Variants in TRPC5 observed in about 807,000 individuals in gnomAD.
TRPC5 encodes the protein transient receptor potential cation channel subfamily C member 5.
In TRPC5, 9 loss-of-function variants were observed where a neutral mutation model predicts 56.5. That is an observed-to-expected ratio of 0.16 (90% confidence interval 0.10 to 0.28). The LOEUF is 0.28. TRPC5 is among the 10% of genes least tolerant of loss of function. TRPC5 has a pLI of 1.00. For synonymous variants in TRPC5, 282 were observed against 278.5 expected (o/e 1.01, Z -0.13); for missense variants, 469 against 748.9 (o/e 0.63, Z 4.36).
chrX:111,929,151 C>T (rs960467325), intron 2 of TRPC5, among the ~76,000 whole-genome samples: 2 of 112,118 alleles, frequency 1.8e-5, no homozygotes, highest in Non-Finnish European at 3.8e-5. Flanking sequence ...AGGGCTCCAC[C>T]GATGCAGGGA....
At chrX:111,888,617 G>A (rs1453350061) in intron 3 of TRPC5, among the ~76,000 whole-genome samples, 3 of 101,962 alleles carry the variant, frequency 2.9e-5, no homozygotes, top group African/African-American at 3.6e-5. Context: ...TGGCTTGAAC[G>A]TGGGAGGTGG....
intron 7 of TRPC5, among the ~76,000 whole-genome samples, chrX:111,792,692 G>A (rs1185816794): frequency 9.0e-6 from 1 of 111,550 alleles, no homozygotes; most frequent in Admixed American, 9.5e-5. Flanking sequence ...GTTCCCAAAG[G>A]GGAAACATTT....
chrX:111,853,807 T>C lies in TRPC5; in HGVS notation c.1200A>G (p.Pro400=). ...RTDLHVQGPP[P]TVVEWMILPW... is the part of the protein sequence containing the mutation. ...GCAATATCATCCATTCCACGACAGT[T>C]GGGGGAGGCCCCTGTACATGAAGGT... The change falls in exon 4 of 11, where the codon CCA becomes CCG. Residue 400 remains proline, a synonymous_variant. Transcript: ENST00000262839. 8.3e-7 allele frequency: 1 copy of C among 1,211,787 alleles called. No individual in the cohort carries two copies. The highest frequency in any genetic ancestry group is 1.1e-6 in the Non-Finnish European group (1 of 895,520).
rs59204206 is a variant in TRPC5, at chrX:111,935,492, C to T, written c.378+16551G>A. 6.7e-3 allele frequency among the ~76,000 whole-genome samples: 752 copies of T among 111,874 alleles called. 45 individuals carry two copies. The East Asian group carries it at 0.16, about 23-fold the overall frequency. ...AATGTCATGTGATCCAATTTGTCTACTGTTGTTTTAGTTCCCTGTGCTTGA... is the reference window on the plus strand; with the variant it reads ...AATGTCATGTGATCCAATTTGTCTATTGTTGTTTTAGTTCCCTGTGCTTGA... On this transcript the variant is annotated intron_variant, in intron 2 of 10. Transcript: ENST00000262839.
chrX:111,943,848 C>G (rs943590801), intron 2 of TRPC5, among the ~76,000 whole-genome samples: 5 of 112,070 alleles, frequency 4.5e-5, no homozygotes, highest in Non-Finnish European at 9.4e-5. Flanking sequence ...GCTTGTTTAC[C>G]AGCCTCTTCC....
chrX:111,905,358 A>G, intron 3 of TRPC5, among the ~76,000 whole-genome samples: 1 of 111,025 alleles, frequency 9.0e-6, no homozygotes, highest in Non-Finnish European at 1.9e-5. Context: ...CAACTAACCA[A>G]CCAACCAACC....
intron 2 of TRPC5, among the ~76,000 whole-genome samples, chrX:111,942,804 T>C (rs1478159610): frequency 8.9e-6 from 1 of 112,442 alleles, no homozygotes; most frequent in African/African-American, 3.2e-5. Flanking sequence ...AAGCAAATAA[T>C]AGAATTATCA....
At chrX:112,059,701 G>A (rs1336156785) in intron 1 of TRPC5, among the ~76,000 whole-genome samples, 1 of 111,946 alleles carries the variant, frequency 8.9e-6, no homozygotes, top group African/African-American at 3.2e-5. Flanking sequence ...TTTCACCTAT[G>A]TGTTTCTCAG....
intron 1 of TRPC5, among the ~76,000 whole-genome samples, chrX:112,077,336 T>G (rs1271474875): frequency 8.9e-6 from 1 of 112,088 alleles, no homozygotes; most frequent in Non-Finnish European, 1.9e-5. Context: ...TGGAAAAAGT[T>G]TATATTTTAT....
chrX:112,034,319 T>G (rs1356650988), intron 1 of TRPC5, among the ~76,000 whole-genome samples: 1 of 110,103 alleles, frequency 9.1e-6, no homozygotes, highest in Non-Finnish European at 1.9e-5. Flanking sequence ...ATTTTTTGTT[T>G]TTTTTTTTTT....
chrX:111,931,295 T>C (rs1926407773), intron 2 of TRPC5, among the ~76,000 whole-genome samples: 2 of 112,381 alleles, frequency 1.8e-5, no homozygotes, highest in Non-Finnish European at 3.8e-5. Context: ...CTTTACATGC[T>C]TTTATGTTGT....
chrX:111,906,081 G>A (rs1046586514), intron 3 of TRPC5, among the ~76,000 whole-genome samples: 4 of 110,832 alleles, frequency 3.6e-5, no homozygotes, highest in East Asian at 2.8e-4. Context: ...CAGGCCGGGC[G>A]CGGTGGCTCA....
intron 6 of TRPC5, among the ~76,000 whole-genome samples, chrX:111,845,252 T>A (rs1029912739): frequency 9.0e-6 from 1 of 111,013 alleles, no homozygotes; most frequent in Non-Finnish European, 1.9e-5. Flanking sequence ...AATGAATGAA[T>A]GAATGACTGA....
At chrX:111,809,536 G>C (rs1921630463) in intron 7 of TRPC5, among the ~76,000 whole-genome samples, 1 of 112,056 alleles carries the variant, frequency 8.9e-6, no homozygotes, top group Non-Finnish European at 1.9e-5. Flanking sequence ...ACTGCCAGAG[G>C]TGCAGGAAGG....
chrX:111,963,550 C>T (rs1350324728), intron 1 of TRPC5, among the ~76,000 whole-genome samples: 1 of 112,117 alleles, frequency 8.9e-6, no homozygotes, highest in Non-Finnish European at 1.9e-5. Context: ...TGACACCTGA[C>T]AAGCCTAACT....
At chrX:111,936,829 G>C (rs1926598108) in intron 2 of TRPC5, among the ~76,000 whole-genome samples, 2 of 96,774 alleles carry the variant, frequency 2.1e-5, no homozygotes, top group South Asian at 1.0e-3. Flanking sequence ...CTTTATAGCA[G>C]CATGATTTAT....
chrX:111,850,269 T>G (rs1426529571), intron 5 of TRPC5, among the ~76,000 whole-genome samples: 1 of 111,796 alleles, frequency 8.9e-6, no homozygotes, highest in African/African-American at 3.2e-5. Flanking sequence ...TTATATATAT[T>G]TGTTCCTTTT....
intron 1 of TRPC5, among the ~76,000 whole-genome samples, chrX:112,012,431 A>G (rs1929017956): frequency 9.2e-6 from 1 of 108,904 alleles, no homozygotes; most frequent in Non-Finnish European, 1.9e-5. Context: ...GGCAGCCAGG[A>G]TCTCACAATT....
chrX:111,944,342 G>A (rs993814255), intron 2 of TRPC5, among the ~76,000 whole-genome samples: 7 of 102,287 alleles, frequency 6.8e-5, no homozygotes, highest in African/African-American at 1.8e-4. Flanking sequence ...GAGAGAGAAC[G>A]AACAAGTGGG....
Sources: gnomAD v4.1 joint callset for allele counts (sites outside exome capture counted in the v4.1 genomes callset) on GRCh38, gnomAD v4.1.1 for gene constraint, MANE v1.5 for transcripts, NCBI Gene and HGNC (gene_info 2026-07-23, HGNC 2026-07-21) for gene names.